The following CHMP2B variants were observed in gnomAD, a reference collection of about 807,000 sequenced individuals.
The protein encoded by CHMP2B is VPS2 homolog B.
In CHMP2B, 22 loss-of-function variants were observed where a neutral mutation model predicts 29.8. The observed-to-expected ratio is 0.74, with a 90% CI of 0.53 to 1.05. The LOEUF (loss-of-function observed/expected upper bound fraction) is 1.05, where lower values mean the gene tolerates loss of function less well. Ranked by LOEUF, CHMP2B falls within the 50% of genes least tolerant of loss-of-function variation. The pLI is 0.00. For synonymous variants in CHMP2B, 78 were observed against 75.8 expected (o/e 1.03, Z -0.15); for missense variants, 261 against 252.2 (o/e 1.03, Z -0.24).
At chr3:87,240,058 GGTGT>G (rs558691038) in intron 1 of CHMP2B, among the ~76,000 whole-genome samples, 1 of 150,086 alleles carries the variant, frequency 6.7e-6, no homozygotes, top group African/African-American at 2.4e-5. Context: ...ACATGAAAAG[GGTGT>G]GTGTGTGTGT....
At position 87,227,471 on chromosome 3, in the gene CHMP2B, A is replaced by G; in HGVS notation, c.-52A>G. ...TGTCCTTTTCCTCCTGTCCTTTGCCAGCGTTGGGCCGGACCGGGCCGAGCC... is the reference window on the plus strand; with the variant it reads ...TGTCCTTTTCCTCCTGTCCTTTGCCGGCGTTGGGCCGGACCGGGCCGAGCC... On this transcript the variant is annotated 5_prime_UTR_variant, in exon 1 of 6. Coordinates refer to ENST00000263780, the MANE Select transcript of CHMP2B (RefSeq NM_014043.4). 6.2e-7 allele frequency: 1 copy of G among 1,610,960 alleles called. No individual in the cohort carries two copies. Among genetic ancestry groups the G allele is most frequent in the South Asian group, 1.1e-5 (1 of 90,982 alleles).
intron 2 of CHMP2B, among the ~76,000 whole-genome samples, chr3:87,245,267 G>A (rs1267355516): frequency 1.3e-5 from 2 of 151,978 alleles, no homozygotes; most frequent in East Asian, 1.9e-4. Flanking sequence ...TATCTAATCC[G>A]ACAGTCTGTC....
intron 1 of CHMP2B, among the ~76,000 whole-genome samples, chr3:87,228,813 A>G (rs983949056): frequency 1.1e-4 from 17 of 152,244 alleles, no homozygotes; most frequent in South Asian, 2.1e-4. Flanking sequence ...AGTGATGTGA[A>G]ATGGATTTTA....
chr3:87,253,618 A>T (rs1706352704), intron 5 of CHMP2B, 94 bp from the exon 6 acceptor site: 1 of 1,364,208 alleles, frequency 7.3e-7, no homozygotes, highest in East Asian at 2.3e-5. Flanking sequence ...TCTGTTTCAA[A>T]AGTAAATTAA....
At chr3:87,228,871 A>AT (rs1174516191) in intron 1 of CHMP2B, among the ~76,000 whole-genome samples, 1 of 129,544 alleles carries the variant, frequency 7.7e-6, no homozygotes, top group African/African-American at 3.0e-5. Flanking sequence ...ATGGCACTTT[A>AT]TTTTTTCAGT....
At chr3:87,235,757 G>A (rs114562578) in intron 1 of CHMP2B, among the ~76,000 whole-genome samples, 1,644 of 152,212 alleles carry the variant, frequency 0.011, 9 homozygotes, top group Non-Finnish European at 0.016. Context: ...CACTTCTGAC[G>A]GTAATTATCT....
In CHMP2B at chr3:87,245,718, T is replaced by C. The variant is rs1200943095; in HGVS notation, c.131T>C (p.Leu44Ser). ...ALEKQEKQLE[L>S]EIKKMAKIGN... ...TTTGTTTGTTTCTTCTCTTAGGAAT[T>C]AGAAATTAAGAAAATGGCCAAGATT... The change falls in exon 3 of 6, where the codon TTA becomes TCA. Residue 44 changes from leucine to serine, a missense_variant. Physicochemically the swap from Leu to Ser is moderately radical, Grantham distance 145 (BLOSUM62 -2). Transcript: ENST00000263780. 1 of 1,612,312 alleles carries C rather than the reference T, an allele frequency of 6.2e-7. No individual in the cohort carries two copies. The highest frequency in any genetic ancestry group is 2.2e-5 in the East Asian group (1 of 44,810).
At chr3:87,238,267 G>A (rs1706051411) in intron 1 of CHMP2B, among the ~76,000 whole-genome samples, 1 of 152,094 alleles carries the variant, frequency 6.6e-6, no homozygotes, top group Non-Finnish European at 1.5e-5. Flanking sequence ...ACAGTTCAGT[G>A]GCATTTAGTA....
At chr3:87,230,353 A>G (rs942641366) in intron 1 of CHMP2B, among the ~76,000 whole-genome samples, 1 of 152,198 alleles carries the variant, frequency 6.6e-6, no homozygotes, top group Non-Finnish European at 1.5e-5. Context: ...ACATCCTTAT[A>G]AAATGAGAAA....
chr3:87,245,660 A>G (rs1706197645), intron 2 of CHMP2B, 54 bp from the exon 3 acceptor site: 1 of 1,431,556 alleles, frequency 7.0e-7, no homozygotes, highest in East Asian at 2.3e-5. Context: ...GAAATAAATT[A>G]TTGACGACTA....
intron 1 of CHMP2B, among the ~76,000 whole-genome samples, chr3:87,235,909 A>T (rs1303714420): frequency 6.6e-6 from 1 of 152,188 alleles, no homozygotes; most frequent in Non-Finnish European, 1.5e-5. Context: ...TTCAACTTTG[A>T]TAATTCACTA....
At position 87,245,427 on chromosome 3, in the gene CHMP2B, CT is replaced by C. The variant is rs554311396; in HGVS notation, c.127-273del. On this transcript the variant is annotated intron_variant, in intron 2 of 5. Coordinates refer to ENST00000263780, the MANE Select transcript of CHMP2B (RefSeq NM_014043.4). ...TTTCTCTTACCTTCTTTTGGATAGT[CT>C]TTTTTTTTTTTTTAATTTTCTTCTG... 4.9e-3 allele frequency among the ~76,000 whole-genome samples: 676 copies of C among 138,994 alleles called. 5 individuals are homozygous for C. The highest frequency in any genetic ancestry group is 8.1e-3 in the African/African-American group (310 of 38,120). 91.2% of individuals were successfully genotyped at this position (138,994 alleles called of 152,430 possible).
chr3:87,254,690 A>G lies in CHMP2B; in HGVS notation c.*868A>G, dbSNP rs10781. 1 of 152,072 alleles carries G rather than the reference A, an allele frequency of 6.6e-6. No individual in the cohort carries two copies. Among genetic ancestry groups the G allele is most frequent in the African/African-American group, 2.4e-5 (1 of 41,562 alleles). 9.4% of individuals were successfully genotyped at this position (152,072 alleles called of 1,614,324 possible). On this transcript the variant is annotated 3_prime_UTR_variant, in exon 6 of 6. Coordinates refer to ENST00000263780, the MANE Select transcript of CHMP2B (RefSeq NM_014043.4). ...TAATTAGTAAAAATAGACGATGAAT[A>G]AATAACACTTTATAGTAAGAAAACA...
intron 1 of CHMP2B, among the ~76,000 whole-genome samples, chr3:87,233,207 C>T (rs746271809): frequency 1.6e-4 from 25 of 152,080 alleles, no homozygotes; most frequent in Admixed American, 2.6e-4. Flanking sequence ...TTCTTTTTAC[C>T]GTGTATTAGA....
chr3:87,253,733 G>C lies in CHMP2B; in HGVS notation c.553G>C (p.Ala185Pro). 3 of 1,612,356 alleles carry C rather than the reference G, an allele frequency of 1.9e-6. No homozygotes were observed. Among genetic ancestry groups the C allele is most frequent in the Non-Finnish European group, 2.5e-6 (3 of 1,178,726 alleles). Residue 185 changes from alanine to proline, a missense_variant, in exon 6 of 6, where the codon GCT (alanine) becomes CCT (proline). Physicochemically the swap from Ala to Pro is conservative, Grantham distance 27. Transcript: ENST00000263780. ...ATAGATGGCCAAAGCTCCATCAGCT[G>C]CTCGAAGCTTACCATCTGCCTCTAC... is the stretch of plus-strand genomic sequence containing the variant. Reference protein sequence around the residue: ...SGKMAKAPSAARSLPSASTSK... With the variant: ...SGKMAKAPSAPRSLPSASTSK...
chr3:87,240,008 G>C (rs1706086638), intron 1 of CHMP2B, among the ~76,000 whole-genome samples: 1 of 151,968 alleles, frequency 6.6e-6, no homozygotes, highest in Non-Finnish European at 1.5e-5. Context: ...CATATAACCT[G>C]TCTTCCTTCC....
intron 2 of CHMP2B, among the ~76,000 whole-genome samples, 199 bp from the exon 3 acceptor site, chr3:87,245,515 T>C (rs897077557): frequency 6.6e-6 from 1 of 152,064 alleles, no homozygotes; most frequent in Admixed American, 6.6e-5. Flanking sequence ...ATACTAGTTC[T>C]GTCCTTTCCA....
rs1031726547 is a variant in CHMP2B at position 87,254,206 on chromosome 3, G to C, written c.*384G>C. On this transcript the variant is annotated 3_prime_UTR_variant, in exon 6 of 6. Coordinates refer to ENST00000263780, the MANE Select transcript of CHMP2B (RefSeq NM_014043.4). ...AAAGAGGGTTGTAAAAATATTAAAA[G>C]TATATCGTTAATTCTGTATCTGTTG... 1 of 210,716 alleles carries C rather than the reference G, an allele frequency of 4.7e-6. No individual in the cohort carries two copies. Among genetic ancestry groups the C allele is most frequent in the Non-Finnish European group, 9.7e-6 (1 of 103,036 alleles). 13.1% of individuals were successfully genotyped at this position (210,716 alleles called of 1,614,324 possible).
chr3:87,244,233 G>C (rs1281204505), intron 2 of CHMP2B, among the ~76,000 whole-genome samples: 2 of 151,542 alleles, frequency 1.3e-5, no homozygotes, highest in African/African-American at 2.4e-5. Context: ...TTTTAGTAGA[G>C]AGGGGTTTCA....
Sources: gnomAD v4.1 joint callset for allele counts (sites outside exome capture counted in the v4.1 genomes callset) on GRCh38, gnomAD v4.1.1 for gene constraint, MANE v1.5 for transcripts, NCBI Gene and HGNC (gene_info 2026-07-23, HGNC 2026-07-21) for gene names.